The following JMY variants were observed in gnomAD, a reference collection of about 807,000 sequenced individuals.
The protein encoded by JMY is junction-mediating and -regulatory protein.
Under a neutral mutation model 103.3 loss-of-function variants are expected in JMY, and 46 were observed. The observed-to-expected ratio is 0.45, with a 90% CI of 0.35 to 0.57. The LOEUF (loss-of-function observed/expected upper bound fraction) is 0.57, where lower values mean the gene tolerates loss of function less well. Ranked by LOEUF, JMY falls within the 20% of genes least tolerant of loss-of-function variation. The pLI, the probability that JMY is intolerant of heterozygous loss-of-function variation, is 0.00. For synonymous variants in JMY, 526 were observed against 489.3 expected, an observed-to-expected ratio of 1.07 and a Z score of -0.99; for missense variants, 1,238 against 1,255.2, an observed-to-expected ratio of 0.99 and a Z score of 0.21.
chr5:79,291,727 A>T (rs908820889), intron 4 of JMY, among the ~76,000 whole-genome samples: 1 of 152,164 alleles, frequency 6.6e-6, no homozygotes, highest in Non-Finnish European at 1.5e-5. Flanking sequence ...TTCCTACTGG[A>T]ACACACTGGT....
At chr5:79,308,284 C>T (rs1482280519) in intron 7 of JMY, among the ~76,000 whole-genome samples, 1 of 152,180 alleles carries the variant, frequency 6.6e-6, no homozygotes, top group Non-Finnish European at 1.5e-5. Flanking sequence ...TCTAAAAAGT[C>T]ATTGCCAGTC....
chr5:79,314,530 C>A lies in JMY; in HGVS notation c.2338C>A (p.Leu780Met). The change falls in exon 9 of 11, where the codon CTG (leucine) becomes ATG (methionine). Residue 780 changes from leucine to methionine, a missense_variant. Leu to Met is a conservative substitution (Grantham distance 15). Coordinates refer to ENST00000396137, the MANE Select transcript of JMY (RefSeq NM_152405.5). Reference protein sequence around the residue: ...SLPLSGVTSELPPTISLPLLN... With the variant: ...SLPLSGVTSEMPPTISLPLLN... ...ACCTCTCAGTGGTGTTACCTCTGAA[C>A]TGCCTCCCACTATATCTCTTCCACT... 1 of 1,614,116 alleles carries A rather than the reference C, an allele frequency of 6.2e-7. No homozygotes were observed. The highest frequency in any genetic ancestry group is 8.5e-7 in the Non-Finnish European group (1 of 1,179,964).
chr5:79,239,342 A>G (rs932539363), intron 1 of JMY, among the ~76,000 whole-genome samples: 12 of 152,184 alleles, frequency 7.9e-5, no homozygotes, highest in African/African-American at 1.9e-4. Context: ...GTGACCACAT[A>G]TATTCTCAGA....
At chr5:79,321,105 C>T (rs1270109402) in intron 10 of JMY, among the ~76,000 whole-genome samples, 1 of 152,200 alleles carries the variant, frequency 6.6e-6, no homozygotes, top group African/African-American at 2.4e-5. Context: ...GTACTTTATT[C>T]ATGTTCCTGT....
At chr5:79,270,541 T>A (rs866836678) in intron 1 of JMY, among the ~76,000 whole-genome samples, 2 of 34,852 alleles carry the variant, frequency 5.7e-5, no homozygotes, top group Non-Finnish European at 1.7e-4. Flanking sequence ...ACATAAATAT[T>A]TAAAATGTAT....
At chr5:79,255,777 TAAC>T (rs1431558376) in intron 1 of JMY, among the ~76,000 whole-genome samples, 1 of 152,232 alleles carries the variant, frequency 6.6e-6, no homozygotes, top group Non-Finnish European at 1.5e-5. Flanking sequence ...ACTTTATCCT[TAAC>T]AACAGAGTTT....
intron 1 of JMY, among the ~76,000 whole-genome samples, chr5:79,260,881 C>G (rs1345353070): frequency 6.6e-6 from 1 of 152,094 alleles, no homozygotes; most frequent in Non-Finnish European, 1.5e-5. Flanking sequence ...GTAGGGGAAA[C>G]AGACCAAATG....
intron 4 of JMY, 54 bp from the exon 5 acceptor site, chr5:79,300,099 C>G: frequency 6.8e-7 from 1 of 1,480,450 alleles, no homozygotes; most frequent in African/African-American, 1.4e-5. Context: ...AATACTAACT[C>G]AATTTTCTTG....
At chr5:79,290,638 G>A (rs539217620) in intron 3 of JMY, among the ~76,000 whole-genome samples, 3 of 152,216 alleles carry the variant, frequency 2.0e-5, no homozygotes, top group African/African-American at 4.8e-5. Context: ...ACTGCAGAAC[G>A]TTATTTCTGA....
At chr5:79,300,440 G>GT (rs1698233851) in intron 5 of JMY, 122 bp downstream of exon 5, 4 of 954,870 alleles carry the variant, frequency 4.2e-6, no homozygotes, top group African/African-American at 3.4e-5. Context: ...GGGATAGAGT[G>GT]TGGGGGGGTG....
At chr5:79,296,110 G>T (rs542704386) in intron 4 of JMY, among the ~76,000 whole-genome samples, 1 of 152,286 alleles carries the variant, frequency 6.6e-6, no homozygotes, top group Non-Finnish European at 1.5e-5. Flanking sequence ...AGAAAGGTAA[G>T]ATAGAGCATA....
chr5:79,247,884 A>ATATTTTATTT (rs1168365480), intron 1 of JMY, among the ~76,000 whole-genome samples: 34 of 144,178 alleles, frequency 2.4e-4, no homozygotes, highest in African/African-American at 9.0e-4. Flanking sequence ...ATTTTATTTT[A>ATATTTTATTT]TATTTTATTT....
intron 10 of JMY, 64 bp downstream of exon 10, chr5:79,316,374 T>G: frequency 1.5e-6 from 2 of 1,298,200 alleles, no homozygotes; most frequent in South Asian, 1.5e-5. Flanking sequence ...ATGATGAGGT[T>G]TGGGGTATTT....
chr5:79,285,856 G>T (rs1028362025), intron 2 of JMY, among the ~76,000 whole-genome samples: 2 of 152,102 alleles, frequency 1.3e-5, no homozygotes, highest in African/African-American at 4.8e-5. Flanking sequence ...CCCCCCTACT[G>T]TGTTTCTTAC....
At chr5:79,279,673 C>T (rs1398636139) in intron 2 of JMY, among the ~76,000 whole-genome samples, 3 of 152,018 alleles carry the variant, frequency 2.0e-5, no homozygotes, top group East Asian at 1.9e-4. Context: ...GACAGTCACA[C>T]GACTTAGACA....
chr5:79,265,076 C>T (rs1024819333), intron 1 of JMY, among the ~76,000 whole-genome samples: 1 of 152,058 alleles, frequency 6.6e-6, no homozygotes, highest in African/African-American at 2.4e-5. Context: ...CAGGCGCCCG[C>T]CACCATGCCT....
chr5:79,294,906 G>T (rs1397153877), intron 4 of JMY, among the ~76,000 whole-genome samples: 2 of 151,178 alleles, frequency 1.3e-5, no homozygotes, highest in South Asian at 2.1e-4. Flanking sequence ...CCCTGGCAGA[G>T]GATTTTAACA....
intron 4 of JMY, among the ~76,000 whole-genome samples, chr5:79,292,995 T>A (rs913683221): frequency 6.6e-6 from 1 of 152,200 alleles, no homozygotes; most frequent in African/African-American, 2.4e-5. Context: ...TAGCATTAAT[T>A]TAACATGCCC....
rs146298068 is a variant in JMY, at chr5:79,262,917, A to G, written c.1033-14993A>G. 2.0e-4 allele frequency among the ~76,000 whole-genome samples: 31 copies of G among 152,354 alleles called. No individual in the cohort carries two copies. In the East Asian group the frequency reaches 5.4e-3, roughly 27 times the overall value. On this transcript the variant is annotated intron_variant, in intron 1 of 10. Coordinates refer to ENST00000396137, the MANE Select transcript of JMY (RefSeq NM_152405.5). ...CAGTGGTATTGTGACTTAATTAATA[A>G]TCATATAATGACTTGATGTTTTTGT... is the stretch of plus-strand genomic sequence containing the variant.
Sources: allele counts gnomAD v4.1 joint callset (sites outside exome capture counted in the v4.1 genomes callset), GRCh38; gene constraint gnomAD v4.1.1; transcripts MANE v1.5; gene names NCBI Gene and HGNC (gene_info 2026-07-23, HGNC 2026-07-21).